Variants in EMCN observed in about 807,000 individuals in gnomAD.
EMCN encodes MUC-14.
A neutral mutation model predicts 38.4 loss-of-function variants in EMCN; 37 were observed. That is an observed-to-expected ratio of 0.96 (90% confidence interval 0.74 to 1.27). The LOEUF (loss-of-function observed/expected upper bound fraction) is 1.27, where lower values mean the gene tolerates loss of function less well. Among genes scored for constraint, EMCN ranks in the 50% most tolerant of loss-of-function variants. The probability of loss-of-function intolerance (pLI) is 0.00; values close to 1 mark genes in which losing one functional copy is unlikely to be tolerated. For missense variants in EMCN, 318 were observed against 302.8 expected, an observed-to-expected ratio of 1.05 and a Z score of -0.37; for synonymous variants, 95 against 100.8, an observed-to-expected ratio of 0.94 and a Z score of 0.35.
chr4:100,430,374 T>A (rs1000947643), intron 5 of EMCN, among the ~76,000 whole-genome samples: 2 of 152,168 alleles, frequency 1.3e-5, no homozygotes, highest in Admixed American at 1.3e-4. Context: ...GACATGACTC[T>A]TATTTTTGTT....
At chr4:100,512,205 G>GTAGAA (rs1729644050) in intron 1 of EMCN, among the ~76,000 whole-genome samples, 1 of 151,792 alleles carries the variant, frequency 6.6e-6, no homozygotes, top group East Asian at 1.9e-4. Context: ...TTCTACTTTG[G>GTAGAA]GACTAATTAT....
intron 11 of EMCN, among the ~76,000 whole-genome samples, chr4:100,402,223 C>G (rs188304776): frequency 7.3e-4 from 111 of 152,028 alleles, no homozygotes; most frequent in Admixed American, 1.1e-3. Context: ...TCTGCCCTGC[C>G]GAATCACATT....
At position 100,415,904 on chromosome 4, in the gene EMCN, C is replaced by G; in HGVS notation, c.745G>C (p.Glu249Gln). 1 of 1,583,196 alleles carries G rather than the reference C, an allele frequency of 6.3e-7. No homozygotes were observed. Among genetic ancestry groups the G allele is most frequent in the South Asian group, 1.2e-5 (1 of 85,236 alleles). Reference protein sequence around the residue: ...KLLTVKTISHESGEHSAQGKT... With the variant: ...KLLTVKTISHQSGEHSAQGKT... Reference sequence around the variant, plus strand: ...AACTTGTCTGGAAACTTACCAGACTCATGAGAAATTGTCTTAACGGTAAGA... The same window carrying G: ...AACTTGTCTGGAAACTTACCAGACTGATGAGAAATTGTCTTAACGGTAAGA... Residue 249 changes from glutamate to glutamine, a missense_variant, in exon 10 of 12, where the codon GAG becomes CAG. Physicochemically the swap from Glu to Gln is conservative, Grantham distance 29 (BLOSUM62 2). Coordinates refer to ENST00000296420, the MANE Select transcript of EMCN (RefSeq NM_016242.4).
At chr4:100,501,252 ATT>A (rs903198043) in intron 1 of EMCN, among the ~76,000 whole-genome samples, 1 of 152,130 alleles carries the variant, frequency 6.6e-6, no homozygotes, top group African/African-American at 2.4e-5. Context: ...AGTCTAATTT[ATT>A]TTTTTCCACT....
chr4:100,516,632 G>A (rs1578244649), intron 1 of EMCN, among the ~76,000 whole-genome samples: 2 of 151,990 alleles, frequency 1.3e-5, no homozygotes, highest in African/African-American at 4.8e-5. Context: ...CAACTTAACC[G>A]CAGAAACTCC....
chr4:100,455,244 T>C (rs1436164937), intron 4 of EMCN, among the ~76,000 whole-genome samples: 1 of 152,156 alleles, frequency 6.6e-6, no homozygotes, highest in Non-Finnish European at 1.5e-5. Context: ...GTTATACATT[T>C]TGTTTCTACA....
chr4:100,462,340 C>T (rs1728202728), intron 4 of EMCN, among the ~76,000 whole-genome samples: 1 of 152,034 alleles, frequency 6.6e-6, no homozygotes, highest in Non-Finnish European at 1.5e-5. Context: ...ACAACAGTCC[C>T]CAGAACTGAG....
intron 4 of EMCN, among the ~76,000 whole-genome samples, chr4:100,457,288 A>T (rs191079067): frequency 6.6e-6 from 1 of 152,026 alleles, no homozygotes; most frequent in East Asian, 1.9e-4. Flanking sequence ...CCTTCTCTAT[A>T]TGACTGCTTT....
intron 1 of EMCN, among the ~76,000 whole-genome samples, chr4:100,514,141 G>A (rs546101499): frequency 1.3e-4 from 20 of 152,096 alleles, no homozygotes; most frequent in African/African-American, 3.9e-4. Flanking sequence ...TACCGACTAC[G>A]CATCAGACAC....
chr4:100,473,196 G>A (rs1728527237), intron 3 of EMCN, among the ~76,000 whole-genome samples: 1 of 149,536 alleles, frequency 6.7e-6, no homozygotes, highest in Non-Finnish European at 1.5e-5. Context: ...TGTATTTTTA[G>A]TAGAGACATA....
chr4:100,511,189 C>G (rs1251513699), intron 1 of EMCN, among the ~76,000 whole-genome samples: 1 of 152,118 alleles, frequency 6.6e-6, no homozygotes, highest in African/African-American at 2.4e-5. Context: ...AGCAACAGTC[C>G]TTGCTTTGAT....
chr4:100,416,516 C>G (rs902334034), intron 9 of EMCN, among the ~76,000 whole-genome samples: 1 of 152,128 alleles, frequency 6.6e-6, no homozygotes, highest in Admixed American at 6.6e-5. Flanking sequence ...TGAGGAGTCT[C>G]TAAGTCATAT....
chr4:100,506,573 CA>C (rs950753069), intron 1 of EMCN, among the ~76,000 whole-genome samples: 160 of 145,192 alleles, frequency 1.1e-3, no homozygotes, highest in African/African-American at 1.5e-3. Flanking sequence ...TCCAATTTGT[CA>C]AAAAAAAAAC....
chr4:100,457,359 G>A (rs1728048106), intron 4 of EMCN, among the ~76,000 whole-genome samples: 1 of 152,032 alleles, frequency 6.6e-6, no homozygotes, highest in Non-Finnish European at 1.5e-5. Flanking sequence ...TTCAATAGAA[G>A]TGATGAGAGT....
intron 3 of EMCN, among the ~76,000 whole-genome samples, chr4:100,473,365 G>GTTTTTTTTT: frequency 0.014 from 417 of 29,798 alleles, 66 homozygotes; most frequent in Non-Finnish European, 0.022. Flanking sequence ...CCCGTTTCGT[G>GTTTTTTTTT]TTTTTTTGTT....
chr4:100,444,277 A>T (rs899573382), intron 5 of EMCN, among the ~76,000 whole-genome samples: 2 of 152,200 alleles, frequency 1.3e-5, no homozygotes, highest in African/African-American at 4.8e-5. Flanking sequence ...TCATGTCCAT[A>T]TGGGTCAGTG....
chr4:100,430,835 T>C (rs1177241190), intron 5 of EMCN, among the ~76,000 whole-genome samples: 1 of 152,182 alleles, frequency 6.6e-6, no homozygotes, highest in East Asian at 1.9e-4. Context: ...ATAATTGAAT[T>C]CTTTTATTCT....
At chr4:100,492,216 G>T (rs1176718992) in intron 1 of EMCN, among the ~76,000 whole-genome samples, 1 of 151,990 alleles carries the variant, frequency 6.6e-6, no homozygotes, top group Non-Finnish European at 1.5e-5. Context: ...CAAAGAAATA[G>T]AAACAACTTA....
intron 1 of EMCN, chr4:100,486,803 T>G: frequency 6.5e-4 from 605 of 934,620 alleles, no homozygotes; most frequent in Non-Finnish European, 7.1e-4. Flanking sequence ...CCCAAGAACC[T>G]GAGATGTCCT....
Sources: gnomAD v4.1 joint callset for allele counts (sites outside exome capture counted in the v4.1 genomes callset) on GRCh38, gnomAD v4.1.1 for gene constraint, MANE v1.5 for transcripts, NCBI Gene and HGNC (gene_info 2026-07-23, HGNC 2026-07-21) for gene names.